BEND6: variants seen among roughly 807,000 people sequenced by gnomAD.
The protein encoded by BEND6 is BEN domain containing 6.
Under a neutral mutation model 31.8 loss-of-function variants are expected in BEND6, and 24 were observed. The ratio of observed to expected loss-of-function variants is 0.75; its 90% confidence interval spans 0.55 to 1.06. The LOEUF (loss-of-function observed/expected upper bound fraction) is 1.06. BEND6 is among the 50% of genes least tolerant of loss of function. The probability of loss-of-function intolerance (pLI) is 0.00; values close to 1 mark genes in which losing one functional copy is unlikely to be tolerated. For synonymous variants in BEND6, 109 were observed against 114.6 expected (o/e 0.95, Z 0.31); for missense variants, 294 against 327.4 (o/e 0.90, Z 0.79).
intron 1 of BEND6, among the ~76,000 whole-genome samples, chr6:56,969,387 G>A (rs7760385): frequency 0.12 from 18,042 of 152,100 alleles, 1,380 homozygotes; most frequent in Middle Eastern, 0.19. Flanking sequence ...CTAGTAGTCC[G>A]TTTTATAGAA....
intron 2 of BEND6, among the ~76,000 whole-genome samples, chr6:56,985,242 G>T (rs1314611630): frequency 6.6e-6 from 1 of 152,104 alleles, no homozygotes; most frequent in Non-Finnish European, 1.5e-5. Context: ...GTACTTCTGG[G>T]TACTCAATTT....
chr6:56,959,059 C>A (rs1825196752), intron 1 of BEND6, among the ~76,000 whole-genome samples: 1 of 152,132 alleles, frequency 6.6e-6, no homozygotes, highest in Non-Finnish European at 1.5e-5. Flanking sequence ...GAACAAGTTT[C>A]TAGGGAATTT....
intron 5 of BEND6, among the ~76,000 whole-genome samples, chr6:57,017,918 A>G (rs1295764827): frequency 1.3e-5 from 2 of 152,236 alleles, no homozygotes; most frequent in Non-Finnish European, 2.9e-5. Flanking sequence ...TTCCTGAAAC[A>G]AAAAACTGCT....
At chr6:56,977,760 C>T (rs1200161757) in intron 1 of BEND6, among the ~76,000 whole-genome samples, 1 of 152,100 alleles carries the variant, frequency 6.6e-6, no homozygotes, top group African/African-American at 2.4e-5. Flanking sequence ...AGTTTGAAAT[C>T]AACCTAGACA....
intron 3 of BEND6, among the ~76,000 whole-genome samples, chr6:56,996,982 C>G (rs1562549670): frequency 6.6e-6 from 1 of 152,208 alleles, no homozygotes. Context: ...TAAAACTCTC[C>G]AGTGGATTTG....
chr6:56,999,967 G>A (rs969137882), intron 3 of BEND6, among the ~76,000 whole-genome samples: 50 of 151,382 alleles, frequency 3.3e-4, no homozygotes, highest in Middle Eastern at 3.4e-3. Context: ...GGTGAGGAGC[G>A]CCTCTGCCTG....
At chr6:56,991,090 A>G (rs1826480542) in intron 2 of BEND6, among the ~76,000 whole-genome samples, 1 of 152,260 alleles carries the variant, frequency 6.6e-6, no homozygotes, top group African/African-American at 2.4e-5. Flanking sequence ...TTATGGTTAC[A>G]CAATAAATTG....
At chr6:56,964,865 A>G (rs1825414209) in intron 1 of BEND6, among the ~76,000 whole-genome samples, 1 of 152,080 alleles carries the variant, frequency 6.6e-6, no homozygotes, top group African/African-American at 2.4e-5. Flanking sequence ...CTACCCATCT[A>G]TCCATCCTTG....
chr6:57,013,146 C>T (rs1827403289), intron 3 of BEND6, among the ~76,000 whole-genome samples: 1 of 152,168 alleles, frequency 6.6e-6, no homozygotes, highest in Admixed American at 6.5e-5. Flanking sequence ...AAGTTAAGGG[C>T]AGTGTCCTCC....
intron 6 of BEND6, among the ~76,000 whole-genome samples, chr6:57,021,165 T>C (rs1827730126): frequency 1.3e-5 from 2 of 152,310 alleles, no homozygotes; most frequent in South Asian, 4.1e-4. Context: ...TTTGCAAATA[T>C]CTTTCATTTT....
rs1440217315 is a variant in BEND6 at position 57,026,804 on chromosome 6, CT to C, written c.*737del. 1 of 152,104 alleles carries C rather than the reference CT, an allele frequency of 6.6e-6. No individual in the cohort carries two copies. Among genetic ancestry groups the C allele is most frequent in the African/African-American group, 2.4e-5 (1 of 41,424 alleles). 9.4% of individuals were successfully genotyped at this position (152,104 alleles called of 1,614,324 possible). On this transcript the variant is annotated 3_prime_UTR_variant, in exon 7 of 7. Transcript: ENST00000370746. ...ACAATGCATCAATTTTCAGGGAAATCTTTTTGTTTGTTTATTTACCAGACAT... is the reference window on the plus strand; with the variant it reads ...ACAATGCATCAATTTTCAGGGAAATCTTTTGTTTGTTTATTTACCAGACAT...
intron 1 of BEND6, among the ~76,000 whole-genome samples, chr6:56,974,301 C>T (rs1384602536): frequency 6.6e-6 from 1 of 152,100 alleles, no homozygotes; most frequent in Non-Finnish European, 1.5e-5. Flanking sequence ...CATCTAAACT[C>T]CATTTAAATA....
intron 1 of BEND6, among the ~76,000 whole-genome samples, chr6:56,966,439 TG>T (rs1205936392): frequency 1.3e-5 from 2 of 152,044 alleles, no homozygotes; most frequent in African/African-American, 4.8e-5. Context: ...ACATAATTAT[TG>T]GGGGGACAAG....
intron 3 of BEND6, chr6:57,004,695 G>A (rs989194964): frequency 2.0e-6 from 3 of 1,522,848 alleles, no homozygotes; most frequent in African/African-American, 2.7e-5. Context: ...AGTCACTACT[G>A]GAACTGCACA....
chr6:56,984,044 C>T (rs34399458), intron 2 of BEND6, among the ~76,000 whole-genome samples: 17,963 of 152,018 alleles, frequency 0.12, 1,370 homozygotes, highest in Middle Eastern at 0.19. Flanking sequence ...CACAGGGAGA[C>T]CCTCTCTCTA....
At chr6:56,999,798 C>T (rs1014614957) in intron 3 of BEND6, among the ~76,000 whole-genome samples, 2 of 152,334 alleles carry the variant, frequency 1.3e-5, no homozygotes, top group South Asian at 2.1e-4. Context: ...CCTATAAGTG[C>T]CATGTACTAG....
chr6:57,014,408 T>C, intron 3 of BEND6: 1 of 1,177,580 alleles, frequency 8.5e-7, no homozygotes, highest in Non-Finnish European at 1.2e-6. Context: ...AGGAACTGAA[T>C]TAGACAAGGT....
chr6:56,963,477 C>T (rs1825357466), intron 1 of BEND6, among the ~76,000 whole-genome samples: 1 of 152,186 alleles, frequency 6.6e-6, no homozygotes, highest in African/African-American at 2.4e-5. Flanking sequence ...GTAAATTTGA[C>T]CCAGCATCTC....
chr6:56,971,527 AT>A (rs1387222042), intron 1 of BEND6, among the ~76,000 whole-genome samples: 1 of 151,984 alleles, frequency 6.6e-6, no homozygotes, highest in African/African-American at 2.4e-5. Flanking sequence ...TTTATTTTTA[AT>A]TTTTCTAGAA....
Sources: gnomAD v4.1 joint callset for allele counts (sites outside exome capture counted in the v4.1 genomes callset) on GRCh38, gnomAD v4.1.1 for gene constraint, MANE v1.5 for transcripts, NCBI Gene and HGNC (gene_info 2026-07-23, HGNC 2026-07-21) for gene names.